Variants in ALG9 observed in about 807,000 individuals in gnomAD.
ALG9 encodes ALG9 alpha-1,2-mannosyltransferase.
In ALG9, 55 loss-of-function variants were observed where a neutral mutation model predicts 81.8. The observed-to-expected ratio is 0.67, with a 90% CI of 0.54 to 0.84. The LOEUF (loss-of-function observed/expected upper bound fraction) is 0.84, where lower values mean the gene tolerates loss of function less well. Ranked by LOEUF, ALG9 falls within the 40% of genes least tolerant of loss-of-function variation. ALG9 has a pLI of 0.00. For synonymous variants in ALG9, 278 were observed against 274.3 expected, an observed-to-expected ratio of 1.01 and a Z score of -0.13; for missense variants, 629 against 745.0, an observed-to-expected ratio of 0.84 and a Z score of 1.81.
intron 14 of ALG9, 157 bp downstream of exon 14, chr11:111,809,486 C>T: frequency 2.4e-6 from 2 of 847,808 alleles, no homozygotes; most frequent in Non-Finnish European, 3.7e-6. Flanking sequence ...GTTGAGATCA[C>T]ACCAGCCTGG....
intron 6 of ALG9, among the ~76,000 whole-genome samples, chr11:111,856,842 C>T (rs1247028437): frequency 6.6e-6 from 1 of 152,156 alleles, no homozygotes; most frequent in African/African-American, 2.4e-5. Context: ...CGCAGTGGCT[C>T]ATGCCTGTAA....
chr11:111,788,388 G>A (rs1591779207), intron 14 of ALG9: 1 of 453,938 alleles, frequency 2.2e-6, no homozygotes, highest in Non-Finnish European at 4.4e-6. Context: ...GAAGAGACAT[G>A]AGACAAAGCA....
intron 2 of ALG9, among the ~76,000 whole-genome samples, chr11:111,869,686 C>G (rs1555156570): frequency 1.3e-5 from 2 of 152,142 alleles, no homozygotes; most frequent in Admixed American, 1.3e-4. Context: ...GCTTAGAATA[C>G]AAAAGTGAAA....
intron 14 of ALG9, among the ~76,000 whole-genome samples, chr11:111,796,804 G>A (rs1034775500): frequency 1.1e-4 from 16 of 152,110 alleles, no homozygotes; most frequent in African/African-American, 3.9e-4. Flanking sequence ...AGGAAGCTAA[G>A]GGCACCACCA....
At chr11:111,834,687 AAAG>A (rs1555115915) in intron 13 of ALG9, among the ~76,000 whole-genome samples, 2 of 152,250 alleles carry the variant, frequency 1.3e-5, no homozygotes, top group East Asian at 3.9e-4. Flanking sequence ...TTCCTAAAGC[AAAG>A]CTCCGATAAC....
intron 13 of ALG9, among the ~76,000 whole-genome samples, chr11:111,821,112 T>A (rs1322001212): frequency 2.6e-5 from 4 of 152,170 alleles, no homozygotes; most frequent in Admixed American, 6.5e-5. Context: ...TAAAATTTTT[T>A]AAAAAGTAAA....
At chr11:111,844,310 T>C (rs1390955295) in intron 9 of ALG9, among the ~76,000 whole-genome samples, 2 of 152,194 alleles carry the variant, frequency 1.3e-5, no homozygotes, top group East Asian at 3.8e-4. Flanking sequence ...GGCCTCCTTC[T>C]GAGATTTTAT....
chr11:111,814,930 G>C (rs1393306253), intron 13 of ALG9, among the ~76,000 whole-genome samples: 1 of 152,204 alleles, frequency 6.6e-6, no homozygotes, highest in African/African-American at 2.4e-5. Context: ...GAACCAACAA[G>C]AGACAGAGAC....
chr11:111,790,304 G>T (rs1248378247), intron 14 of ALG9, among the ~76,000 whole-genome samples: 2 of 152,064 alleles, frequency 1.3e-5, no homozygotes, highest in Non-Finnish European at 2.9e-5. Flanking sequence ...TCCAGCCTGG[G>T]TGATGAGGCA....
At position 111,786,062 on chromosome 11, in the gene ALG9, T is replaced by G. The variant is rs1555062872; in HGVS notation, c.*335A>C. The G allele has an allele frequency of 6.5e-6, 3 of 461,006 alleles. No individual in the cohort carries two copies. The Admixed American group carries it at 7.0e-5, about 11-fold the overall frequency. The allele number at this position is 461,006 out of a possible 1,614,324, so 28.6% of individuals were successfully genotyped here. A position where few individuals can be genotyped will look rare whatever the true frequency, so the allele number is the denominator to read the frequency against. On this transcript the variant is annotated 3_prime_UTR_variant, in exon 15 of 15. Transcript: ENST00000616540. ...GCCATCCAGTACCAGGATTTTCAATTCTTCCTGTAAGTTGGTTCTGCTCTT... is the reference window on the plus strand; with the variant it reads ...GCCATCCAGTACCAGGATTTTCAATGCTTCCTGTAAGTTGGTTCTGCTCTT...
the ALG9 span, among the ~76,000 whole-genome samples, chr11:111,770,236 T>G: frequency 6.6e-6 from 1 of 152,184 alleles, no homozygotes; most frequent in African/African-American, 2.4e-5. Context: ...CCTACTGAAT[T>G]AGAGTCCTTA....
chr11:111,866,448 C>T (rs1962486464), intron 3 of ALG9, among the ~76,000 whole-genome samples: 1 of 152,032 alleles, frequency 6.6e-6, no homozygotes, highest in East Asian at 1.9e-4. Context: ...ACTAGATGTG[C>T]CAATTGTTAC....
At chr11:111,768,684 C>T in the ALG9 span, 1 of 142,798 alleles carries the variant, frequency 7.0e-6, no homozygotes, top group African/African-American at 2.7e-5. Context: ...GTTTAACAAA[C>T]AGGGTCTTGC....
At chr11:111,802,584 G>T (rs1445237847) in intron 14 of ALG9, among the ~76,000 whole-genome samples, 1 of 152,118 alleles carries the variant, frequency 6.6e-6, no homozygotes, top group Non-Finnish European at 1.5e-5. Context: ...TGTGGCAATG[G>T]TTATACAACT....
chr11:111,808,237 C>A (rs1950213892), intron 14 of ALG9, among the ~76,000 whole-genome samples: 1 of 152,138 alleles, frequency 6.6e-6, no homozygotes, highest in Non-Finnish European at 1.5e-5. Context: ...CACTCAAGAA[C>A]TCAGGTGCCT....
intron 1 of ALG9, chr11:111,870,640 C>T: frequency 5.0e-6 from 4 of 800,766 alleles, no homozygotes; most frequent in Non-Finnish European, 4.9e-6. Context: ...CCTCCTGCCT[C>T]AGCCTTCTGA....
At chr11:111,820,251 A>G (rs1555101964) in intron 13 of ALG9, among the ~76,000 whole-genome samples, 1 of 152,230 alleles carries the variant, frequency 6.6e-6, no homozygotes, top group Non-Finnish European at 1.5e-5. Flanking sequence ...CTGTGTTGCT[A>G]TAACAGAATA....
At chr11:111,846,598 T>C (rs1956984322) in intron 8 of ALG9, among the ~76,000 whole-genome samples, 1 of 152,212 alleles carries the variant, frequency 6.6e-6, no homozygotes, top group Non-Finnish European at 1.5e-5. Context: ...CCAACTAGGC[T>C]GTGAACATTT....
intron 14 of ALG9, among the ~76,000 whole-genome samples, chr11:111,789,476 G>C (rs997542905): frequency 1.3e-5 from 2 of 151,638 alleles, no homozygotes; most frequent in African/African-American, 4.8e-5. Flanking sequence ...CTGGGCTCGA[G>C]CAATCCACCT....
Sources: gnomAD v4.1 joint callset for allele counts (sites outside exome capture counted in the v4.1 genomes callset) on GRCh38, gnomAD v4.1.1 for gene constraint, MANE v1.5 for transcripts, NCBI Gene and HGNC (gene_info 2026-07-23, HGNC 2026-07-21) for gene names.